Variants in ABHD12B observed in about 807,000 individuals in gnomAD.
ABHD12B encodes the protein abhydrolase domain containing 12B.
In ABHD12B, 42 loss-of-function variants were observed where a neutral mutation model predicts 50.4. That is an observed-to-expected ratio of 0.83 (90% confidence interval 0.65 to 1.08). The LOEUF is 1.08. ABHD12B is among the 50% of genes least tolerant of loss of function. ABHD12B has a pLI of 0.00. For synonymous variants in ABHD12B, 167 were observed against 160.3 expected (o/e 1.04, Z -0.32); for missense variants, 479 against 447.7 (o/e 1.07, Z -0.63).
At position 50,878,594 on chromosome 14, in the gene ABHD12B, G is replaced by T. The variant is rs1042414183; in HGVS notation, c.233-151G>T. On this transcript the variant is annotated intron_variant, in intron 2 of 12. Coordinates refer to ENST00000337334, the MANE Select transcript of ABHD12B (RefSeq NM_001206673.2). ...GCCCCTCCTCTGCAGGCTAGTCCTA[G>T]CTGATAAAATAAAATACTCTGCTAG... 5 of 655,412 alleles carry T rather than the reference G, an allele frequency of 7.6e-6. No homozygotes were observed. The Admixed American group carries it at 1.5e-4, about 19-fold the overall frequency. 40.6% of individuals were successfully genotyped at this position (655,412 alleles called of 1,614,324 possible). A position where few individuals can be genotyped will look rare whatever the true frequency, so the allele number is the denominator to read the frequency against.
At chr14:50,899,412 T>G (rs1474549731) in intron 9 of ABHD12B, among the ~76,000 whole-genome samples, 1 of 152,242 alleles carries the variant, frequency 6.6e-6, no homozygotes, top group Non-Finnish European at 1.5e-5. Flanking sequence ...TATTCTATTA[T>G]TACAGTTCAT....
At chr14:50,882,509 T>TG (rs2049970209) in intron 5 of ABHD12B, among the ~76,000 whole-genome samples, 1 of 150,486 alleles carries the variant, frequency 6.6e-6, no homozygotes, top group Non-Finnish European at 1.5e-5. Flanking sequence ...CCCAAGTAGC[T>TG]GGGATTACAG....
At chr14:50,884,016 C>T (rs549426887) in intron 5 of ABHD12B, among the ~76,000 whole-genome samples, 3 of 64,210 alleles carry the variant, frequency 4.7e-5, no homozygotes, top group African/African-American at 1.0e-4. Flanking sequence ...TATAGACATT[C>T]TTCCATGTTT....
intron 3 of ABHD12B, 99 bp downstream of exon 3, chr14:50,878,946 G>A (rs2049900162): frequency 1.0e-6 from 1 of 953,154 alleles, no homozygotes; most frequent in Non-Finnish European, 1.7e-6. Context: ...GGAGAGGTCG[G>A]TGCTCCTGGA....
At chr14:50,890,708 G>T (rs192831114) in intron 9 of ABHD12B, among the ~76,000 whole-genome samples, 28 of 152,170 alleles carry the variant, frequency 1.8e-4, no homozygotes, top group African/African-American at 6.7e-4. Flanking sequence ...TTGATCTATT[G>T]TGTTGTTTAT....
rs750117835 is a variant in ABHD12B, at chr14:50,881,604, C to T, written c.464C>T (p.Ser155Leu). 1.2e-5 allele frequency: 19 copies of T among 1,599,846 alleles called. No homozygotes were observed. Among genetic ancestry groups the T allele is most frequent in the Admixed American group, 5.2e-5 (3 of 58,152 alleles). ...TTAAACTTCCTTCACAGGGCAGCTT[C>T]GCACAGACTGAAGCTGGTAAAGGTA... ...LHGSAEHRAASHRLKLVKVLS... is the reference protein window; with the variant it reads ...LHGSAEHRAALHRLKLVKVLS... Residue 155 changes from serine (S) to leucine (L), a missense_variant, in exon 5 of 13, where the codon TCG (serine) becomes TTG (leucine). Transcript: ENST00000337334.
chr14:50,877,602 G>A (rs530486661), intron 1 of ABHD12B, among the ~76,000 whole-genome samples: 16 of 152,198 alleles, frequency 1.1e-4, no homozygotes, highest in African/African-American at 3.6e-4. Context: ...AATGCCATCT[G>A]ACCCAGAATT....
At chr14:50,878,562 G>T (rs1299094758) in intron 2 of ABHD12B, among the ~76,000 whole-genome samples, 183 bp from the exon 3 acceptor site, 1 of 152,070 alleles carries the variant, frequency 6.6e-6, no homozygotes, top group Non-Finnish European at 1.5e-5. Context: ...TTAGGTTTTT[G>T]TTTTTTGCCC....
At chr14:50,887,958 G>A (rs1350609946) in intron 8 of ABHD12B, among the ~76,000 whole-genome samples, 1 of 152,204 alleles carries the variant, frequency 6.6e-6, no homozygotes, top group Non-Finnish European at 1.5e-5. Context: ...TTTCAACTGA[G>A]TTGAGGGAAA....
intron 9 of ABHD12B, chr14:50,892,286 G>A: frequency 2.5e-6 from 1 of 403,796 alleles, no homozygotes; most frequent in South Asian, 1.0e-4. Flanking sequence ...GATTTGGTGT[G>A]TTTGATTTAT....
In ABHD12B at chr14:50,904,654, T is replaced by C. The variant is rs2050307810; in HGVS notation, c.*288T>C. The stretch of plus-strand genomic sequence containing the variant: ...TCTAAAAATATGTAGTTATTAAACA[T>C]TCTGTGGATATTTGTGAATAAGGTA... On this transcript the variant is annotated 3_prime_UTR_variant, in exon 13 of 13. Transcript: ENST00000337334. 2 of 505,694 alleles carry C rather than the reference T, an allele frequency of 4.0e-6. No homozygotes were observed. Among genetic ancestry groups the C allele is most frequent in the Non-Finnish European group, 7.1e-6 (2 of 281,484 alleles). The allele number at this position is 505,694 out of a possible 1,614,324, so 31.3% of individuals were successfully genotyped here. A position where few individuals can be genotyped will look rare whatever the true frequency, so the allele number is the denominator to read the frequency against.
chr14:50,899,699 G>A (rs902374586), intron 9 of ABHD12B, among the ~76,000 whole-genome samples: 10 of 151,906 alleles, frequency 6.6e-5, no homozygotes, highest in African/African-American at 1.7e-4. Context: ...TGAGGCAGGC[G>A]GATCATTTGA....
chr14:50,880,773 A>C (rs1399530472), intron 4 of ABHD12B, among the ~76,000 whole-genome samples: 1 of 152,234 alleles, frequency 6.6e-6, no homozygotes, highest in African/African-American at 2.4e-5. Flanking sequence ...GTGGATCCCT[A>C]ACTGAGGAGA....
In ABHD12B at chr14:50,885,859, C is replaced by T. The variant is rs1404866288; in HGVS notation, c.626C>T (p.Thr209Ile). ...YEWTKARSGI[T>I]PVCLWGHSLG... Reference sequence around the variant, plus strand: ...TGGACCAAGGCAAGAAGTGGCATCACTCCCGTGTGTCTCTGGGGCCACTCT... The same window carrying T: ...TGGACCAAGGCAAGAAGTGGCATCATTCCCGTGTGTCTCTGGGGCCACTCT... The change falls in exon 7 of 13, where the codon ACT (threonine) becomes ATT (isoleucine). Residue 209 changes from threonine to isoleucine, a missense_variant. Coordinates refer to ENST00000337334, the MANE Select transcript of ABHD12B (RefSeq NM_001206673.2). The T allele has an allele frequency of 6.2e-7, 1 of 1,614,062 alleles. No homozygotes were observed. The highest frequency in any genetic ancestry group is 8.5e-7 in the Non-Finnish European group (1 of 1,180,032).
intron 9 of ABHD12B, among the ~76,000 whole-genome samples, chr14:50,895,044 C>G (rs1229178821): frequency 6.7e-6 from 1 of 149,742 alleles, no homozygotes; most frequent in Non-Finnish European, 1.5e-5. Flanking sequence ...AAGGTTAATG[C>G]TCCTTTTTCT....
chr14:50,874,460 C>A (rs11624446), intron 1 of ABHD12B, among the ~76,000 whole-genome samples: 45,746 of 151,862 alleles, frequency 0.3, 7,292 homozygotes, highest in South Asian at 0.39. Flanking sequence ...ATTAGCCAGG[C>A]GTGGTGGCAC....
intron 4 of ABHD12B, among the ~76,000 whole-genome samples, chr14:50,881,198 G>T (rs1221476594): frequency 4.6e-5 from 7 of 152,110 alleles, no homozygotes; most frequent in Admixed American, 4.6e-4. Context: ...ATTATGTTGG[G>T]TGACGATCAT....
intron 5 of ABHD12B, among the ~76,000 whole-genome samples, 179 bp from the exon 6 acceptor site, chr14:50,885,435 C>T (rs1433613477): frequency 6.6e-6 from 1 of 151,908 alleles, no homozygotes; most frequent in Non-Finnish European, 1.5e-5. Flanking sequence ...ATATCTTCAT[C>T]GAATACAAAA....
chr14:50,875,065 G>T (rs771267132), intron 1 of ABHD12B, among the ~76,000 whole-genome samples: 120 of 152,230 alleles, frequency 7.9e-4, no homozygotes, highest in Non-Finnish European at 1.0e-3. Flanking sequence ...AGCATTCTAT[G>T]CCATGTTGTT....
Sources: gnomAD v4.1 joint callset for allele counts (sites outside exome capture counted in the v4.1 genomes callset) on GRCh38, gnomAD v4.1.1 for gene constraint, MANE v1.5 for transcripts, NCBI Gene and HGNC (gene_info 2026-07-23, HGNC 2026-07-21) for gene names.